The following HDAC1 variants were observed in gnomAD, a reference collection of about 807,000 sequenced individuals.
HDAC1 encodes the protein protein deacetylase HDAC1.
Under a neutral mutation model 65.5 loss-of-function variants are expected in HDAC1, and 18 were observed. That is an observed-to-expected ratio of 0.27 (90% CI 0.19 to 0.41). The LOEUF (loss-of-function observed/expected upper bound fraction) is 0.41. Ranked by LOEUF, HDAC1 falls within the 10% of genes least tolerant of loss-of-function variation. HDAC1 has a pLI of 1.00. For synonymous variants in HDAC1, 211 were observed against 227.9 expected, an observed-to-expected ratio of 0.93 and a Z score of 0.67; for missense variants, 373 against 625.2, an observed-to-expected ratio of 0.60 and a Z score of 4.30.
In HDAC1 at chr1:32,327,117, G is replaced by C; in HGVS notation, c.494+40G>C. 6.2e-7 allele frequency: 1 copy of C among 1,605,578 alleles called. No individual in the cohort carries two copies. Among genetic ancestry groups the C allele is most frequent in the Non-Finnish European group, 8.5e-7 (1 of 1,174,854 alleles). On this transcript the variant is annotated intron_variant, in intron 5 of 13. Coordinates refer to ENST00000373548, the MANE Select transcript of HDAC1 (RefSeq NM_004964.3). The surrounding 1 kb of genome is among the most constrained non-coding windows in gnomAD (Gnocchi z 6.0). ...CCTTGTCTCTTGGAAGAGCACCTTA[G>C]GCCAGGTTCCCATTTCCCTCTTCCC...
At chr1:32,312,036 G>T (rs555689922) in intron 2 of HDAC1, among the ~76,000 whole-genome samples, 7 of 152,036 alleles carry the variant, frequency 4.6e-5, no homozygotes, top group Non-Finnish European at 8.8e-5. Context: ...TTAGAAACAG[G>T]GTCTCACTGT....
chr1:32,310,743 G>A (rs145163948), intron 2 of HDAC1, among the ~76,000 whole-genome samples: 2,391 of 151,866 alleles, frequency 0.016, 67 homozygotes, highest in African/African-American at 0.053. Context: ...CCAGCTACTC[G>A]GGAGGCTGGG....
intron 1 of HDAC1, among the ~76,000 whole-genome samples, chr1:32,296,240 C>T (rs921013123): frequency 2.0e-5 from 3 of 152,084 alleles, no homozygotes; most frequent in Admixed American, 1.3e-4. Context: ...GTAGGTGAAC[C>T]AGAAAGTACT....
At chr1:32,297,026 T>G (rs1435062493) in intron 1 of HDAC1, among the ~76,000 whole-genome samples, 6 of 152,086 alleles carry the variant, frequency 3.9e-5, no homozygotes, top group Admixed American at 3.9e-4. Flanking sequence ...AAAGAGAATA[T>G]TCCTTTTCCT....
At chr1:32,317,452 C>T (rs949317084) in intron 3 of HDAC1, among the ~76,000 whole-genome samples, 4 of 152,132 alleles carry the variant, frequency 2.6e-5, no homozygotes, top group Admixed American at 2.6e-4. Context: ...CTCTTAGCAC[C>T]TAAGACTTCA....
chr1:32,292,370 G>C, intron 1 of HDAC1, 152 bp downstream of exon 1: 1 of 1,488,960 alleles, frequency 6.7e-7, no homozygotes, highest in South Asian at 1.3e-5. Flanking sequence ...TCGAGGCTGA[G>C]GGAGGAGGCT....
At chr1:32,304,579 CTTT>C (rs1456689617) in intron 2 of HDAC1, among the ~76,000 whole-genome samples, 3 of 150,284 alleles carry the variant, frequency 2.0e-5, no homozygotes, top group Admixed American at 2.0e-4. Flanking sequence ...TTATTTTTTT[CTTT>C]TTTTTGAGAC....
At chr1:32,313,409 A>T (rs933396711) in intron 2 of HDAC1, among the ~76,000 whole-genome samples, 5 of 152,050 alleles carry the variant, frequency 3.3e-5, no homozygotes, top group Admixed American at 2.6e-4. Flanking sequence ...TAATTATTTT[A>T]AAAAAGAGAA....
intron 1 of HDAC1, among the ~76,000 whole-genome samples, chr1:32,296,814 G>A (rs1640773469): frequency 6.6e-6 from 1 of 152,186 alleles, no homozygotes; most frequent in African/African-American, 2.4e-5. Flanking sequence ...AGAGGGAGAG[G>A]CTGAAGATAC....
intron 1 of HDAC1, among the ~76,000 whole-genome samples, chr1:32,295,553 T>G (rs547565375): frequency 7.2e-5 from 11 of 152,300 alleles, no homozygotes; most frequent in South Asian, 2.1e-4. Context: ...AGTGTTTTCA[T>G]ATGACAGAAG....
intron 2 of HDAC1, among the ~76,000 whole-genome samples, chr1:32,307,850 A>G (rs1640932457): frequency 6.6e-6 from 1 of 152,214 alleles, no homozygotes; most frequent in Non-Finnish European, 1.5e-5. Flanking sequence ...GGGATAAGGG[A>G]TGAATTTCAA....
intron 3 of HDAC1, among the ~76,000 whole-genome samples, chr1:32,324,146 C>T (rs1302748240): frequency 6.6e-6 from 1 of 151,168 alleles, no homozygotes; most frequent in Non-Finnish European, 1.5e-5. Context: ...TAGTGGCATG[C>T]ACCTGTAGTC....
At position 32,330,248 on chromosome 1, in the gene HDAC1, T is replaced by G. The variant is rs1010524058; in HGVS notation, c.730-330T>G. On this transcript the variant is annotated intron_variant, in intron 7 of 13. Transcript: ENST00000373548. This position sits in a 1 kb window ranked among gnomAD's most constrained non-coding sequence, Gnocchi z 4.2. ...AGTCTGTAAGACCGAATGAGTAGAG[T>G]AGATGCAGCTAAAGGTCAGGAAGGC... 6.7e-5 allele frequency: 21 copies of G among 314,598 alleles called. No homozygotes were observed. Among genetic ancestry groups the G allele is most frequent in the African/African-American group, 4.3e-4 (20 of 46,874 alleles). 19.5% of individuals were successfully genotyped at this position (314,598 alleles called of 1,614,324 possible). A position where few individuals can be genotyped will look rare whatever the true frequency, so the allele number is the denominator to read the frequency against.
At chr1:32,292,246 GGGCCA>G (rs1640708028) in intron 1 of HDAC1, 28 bp downstream of exon 1, 2 of 1,547,052 alleles carry the variant, frequency 1.3e-6, no homozygotes, top group East Asian at 2.4e-5. Context: ...GGCGGGGGCG[GGGCCA>G]GGCCGGGCCG....
In HDAC1 at chr1:32,324,471, C is replaced by T. The variant is rs1641189621; in HGVS notation, c.281-8C>T. 1.2e-6 allele frequency: 2 copies of T among 1,602,260 alleles called. No individual in the cohort carries two copies. Among genetic ancestry groups the T allele is most frequent in the Non-Finnish European group, 1.7e-6 (2 of 1,169,508 alleles). The stretch of plus-strand genomic sequence containing the variant: ...GTGGAAACTAACCTTTTGCTTATTT[C>T]TTTCAAGTCAACGTTGGTGAGGACT... On this transcript the variant is annotated splice_polypyrimidine_tract_variant and splice_region_variant and intron_variant, in intron 3 of 13. Transcript: ENST00000373548.
chr1:32,326,794 G>C, intron 4 of HDAC1, 145 bp from the exon 5 acceptor site: 3 of 731,962 alleles, frequency 4.1e-6, no homozygotes, highest in Non-Finnish European at 6.6e-6. Context: ...CTGAAGTAGG[G>C]TGGGAGGGAG....
intron 2 of HDAC1, among the ~76,000 whole-genome samples, chr1:32,312,008 G>T (rs1320977582): frequency 1.3e-5 from 2 of 152,232 alleles, no homozygotes; most frequent in East Asian, 3.9e-4. Context: ...TTCACTGTGG[G>T]TGTTTTGGTT....
rs1439485417 is a variant in HDAC1 at position 32,329,426 on chromosome 1, A to C, written c.729+266A>C. 1 of 571,912 alleles carries C rather than the reference A, an allele frequency of 1.7e-6. No homozygotes were observed. Among genetic ancestry groups the C allele is most frequent in the East Asian group, 2.9e-5 (1 of 33,968 alleles). 35.4% of individuals were successfully genotyped at this position (571,912 alleles called of 1,614,324 possible). On this transcript the variant is annotated intron_variant, in intron 7 of 13. Coordinates refer to ENST00000373548, the MANE Select transcript of HDAC1 (RefSeq NM_004964.3). This position sits in a 1 kb window ranked among gnomAD's most constrained non-coding sequence, Gnocchi z 4.1. ...CCTCACGGACTATGGTGGGGAAGGC[A>C]GGCACATACCCAGTAGTCTATGATT...
At chr1:32,304,807 G>T (rs1033898815) in intron 2 of HDAC1, among the ~76,000 whole-genome samples, 1 of 151,980 alleles carries the variant, frequency 6.6e-6, no homozygotes, top group Non-Finnish European at 1.5e-5. Context: ...AAAGCAATCC[G>T]CCTGCCTCGG....
Sources: allele counts gnomAD v4.1 joint callset (sites outside exome capture counted in the v4.1 genomes callset), GRCh38; gene constraint gnomAD v4.1.1; non-coding constraint Gnocchi (gnomAD v3.1); transcripts MANE v1.5; gene names NCBI Gene and HGNC (gene_info 2026-07-23, HGNC 2026-07-21).